The following PCDH15 variants were observed in gnomAD, a reference collection of about 807,000 sequenced individuals.
PCDH15 encodes the protein protocadherin related 15, also known as protocadherin-15.
A neutral mutation model predicts 178.5 loss-of-function variants in PCDH15; 129 were observed. That is an observed-to-expected ratio of 0.72 (90% CI 0.63 to 0.84). PCDH15 has a LOEUF of 0.84. Ranked by LOEUF, PCDH15 falls within the 40% of genes least tolerant of loss-of-function variation. The pLI, the probability that PCDH15 is intolerant of heterozygous loss-of-function variation, is 0.00. For synonymous variants in PCDH15, 800 were observed against 732.0 expected (o/e 1.09, Z -1.50); for missense variants, 2,230 against 2,099.9 (o/e 1.06, Z -1.21).
rs1457208099 is a variant in PCDH15, at chr10:53,821,887, G to A, written c.4368-1657C>T. 1 of 1,613,428 alleles carries A rather than the reference G, an allele frequency of 6.2e-7. No individual in the cohort carries two copies. Among genetic ancestry groups the A allele is most frequent in the African/African-American group, 1.3e-5 (1 of 74,998 alleles). On this transcript the variant is annotated intron_variant, in intron 32 of 37. Coordinates refer to ENST00000644397, the MANE Select transcript of PCDH15 (RefSeq NM_001384140.1). Reference sequence around the variant, plus strand: ...AGTGAAGTAGATTGACTGTGAGATTGTTTTTCAGTTCCCTCGACAATATTG... The same window carrying A: ...AGTGAAGTAGATTGACTGTGAGATTATTTTTCAGTTCCCTCGACAATATTG...
chr10:54,580,676 T>C (rs1412363875), intron 2 of PCDH15, among the ~76,000 whole-genome samples: 1 of 152,040 alleles, frequency 6.6e-6, no homozygotes, highest in Non-Finnish European at 1.5e-5. Flanking sequence ...ATATCCATGA[T>C]GAACATAAAC....
intron 14 of PCDH15, among the ~76,000 whole-genome samples, chr10:54,134,613 C>T (rs954167828): frequency 3.3e-5 from 5 of 151,442 alleles, no homozygotes; most frequent in South Asian, 4.2e-4. Flanking sequence ...ATTAGCTTGG[C>T]GTGGTTGCGG....
chr10:54,088,216 T>G (rs1246067721), intron 16 of PCDH15, among the ~76,000 whole-genome samples: 4 of 152,194 alleles, frequency 2.6e-5, no homozygotes, highest in Admixed American at 2.6e-4. Flanking sequence ...TCATACCTGG[T>G]TTTGCCTTTC....
chr10:53,809,748 C>T (rs1192688868), intron 37 of PCDH15, among the ~76,000 whole-genome samples: 1 of 152,150 alleles, frequency 6.6e-6, no homozygotes, highest in Non-Finnish European at 1.5e-5. Flanking sequence ...TTTATTTTAG[C>T]TTGTACTTTA....
At chr10:54,110,642 A>G (rs947002941) in intron 15 of PCDH15, among the ~76,000 whole-genome samples, 1 of 152,214 alleles carries the variant, frequency 6.6e-6, no homozygotes, top group Non-Finnish European at 1.5e-5. Flanking sequence ...GGAATGGCTC[A>G]GTCCACTTCT....
chr10:55,440,452 G>T (rs1565142032), intron 2 of PCDH15, among the ~76,000 whole-genome samples: 1 of 152,064 alleles, frequency 6.6e-6, no homozygotes, highest in Non-Finnish European at 1.5e-5. Context: ...TAACAATTCA[G>T]AAAAGTGGCA....
intron 15 of PCDH15, among the ~76,000 whole-genome samples, chr10:54,112,670 T>A (rs1590537956): frequency 6.6e-6 from 1 of 152,300 alleles, no homozygotes; most frequent in East Asian, 1.9e-4. Flanking sequence ...AAATACTATT[T>A]AATTTCTAAT....
intron 2 of PCDH15, among the ~76,000 whole-genome samples, chr10:55,131,705 G>A (rs904483801): frequency 1.6e-5 from 1 of 64,500 alleles, no homozygotes; most frequent in African/African-American, 3.6e-5. Context: ...GAGGAGACCA[G>A]GAGTGGGTAG....
intron 1 of PCDH15, among the ~76,000 whole-genome samples, chr10:55,266,658 G>A (rs1000138128): frequency 6.6e-6 from 1 of 152,186 alleles, no homozygotes; most frequent in African/African-American, 2.4e-5. Flanking sequence ...CACATCAGAG[G>A]AAGAACACGC....
chr10:53,900,170 C>T (rs2082231904), intron 26 of PCDH15, among the ~76,000 whole-genome samples: 1 of 151,742 alleles, frequency 6.6e-6, no homozygotes, highest in Non-Finnish European at 1.5e-5. Flanking sequence ...TTATAGCATA[C>T]ACTTGCATAA....
At chr10:54,193,422 A>G (rs1159643371) in intron 11 of PCDH15, among the ~76,000 whole-genome samples, 1 of 152,224 alleles carries the variant, frequency 6.6e-6, no homozygotes, top group Non-Finnish European at 1.5e-5. Flanking sequence ...CTATTAAGGT[A>G]TGACCTAAGC....
chr10:53,840,176 G>T (rs1450671016), intron 29 of PCDH15, 144 bp downstream of exon 29: 3 of 848,838 alleles, frequency 3.5e-6, no homozygotes, highest in Non-Finnish European at 5.1e-6. Flanking sequence ...GAGAATCCTA[G>T]GTATTTCAGG....
intron 2 of PCDH15, among the ~76,000 whole-genome samples, chr10:54,976,574 C>A (rs117410524): frequency 6.6e-6 from 1 of 151,998 alleles, no homozygotes; most frequent in African/African-American, 2.4e-5. Flanking sequence ...AGTTGAGTCA[C>A]GAGTTGTGAG....
intron 2 of PCDH15, among the ~76,000 whole-genome samples, chr10:55,557,863 T>G (rs2132095036): frequency 6.6e-6 from 1 of 152,094 alleles, no homozygotes; most frequent in Admixed American, 6.6e-5. Flanking sequence ...AGTTTGGAGG[T>G]TTACTTAGTG....
intron 8 of PCDH15, among the ~76,000 whole-genome samples, chr10:54,287,103 T>C (rs1452440454): frequency 6.6e-6 from 1 of 152,234 alleles, no homozygotes; most frequent in African/African-American, 2.4e-5. Flanking sequence ...AGACCTCTAG[T>C]ATTTCTATTC....
At chr10:53,886,241 T>C (rs1354912108) in intron 26 of PCDH15, among the ~76,000 whole-genome samples, 1 of 152,158 alleles carries the variant, frequency 6.6e-6, no homozygotes, top group Non-Finnish European at 1.5e-5. Context: ...CAGATAAAAT[T>C]CATTAGCTAG....
chr10:54,927,072 A>AT (rs1837648958), intron 2 of PCDH15, among the ~76,000 whole-genome samples: 1 of 151,994 alleles, frequency 6.6e-6, no homozygotes, highest in African/African-American at 2.4e-5. Context: ...TGATGTGAGC[A>AT]TTTAGTACTA....
At chr10:54,239,420 T>C (rs1369645693) in intron 8 of PCDH15, among the ~76,000 whole-genome samples, 3 of 139,264 alleles carry the variant, frequency 2.2e-5, no homozygotes, top group Non-Finnish European at 1.5e-5. Flanking sequence ...ATTAAATATA[T>C]ATATATATAT....
At chr10:54,406,616 C>T (rs986328171) in intron 3 of PCDH15, among the ~76,000 whole-genome samples, 17 of 152,056 alleles carry the variant, frequency 1.1e-4, no homozygotes, top group Admixed American at 6.6e-4. Flanking sequence ...AAAACAGAAC[C>T]GCAGTAGCCT....
Sources: allele counts gnomAD v4.1 joint callset (sites outside exome capture counted in the v4.1 genomes callset), GRCh38; gene constraint gnomAD v4.1.1; transcripts MANE v1.5; gene names NCBI Gene and HGNC (gene_info 2026-07-23, HGNC 2026-07-21).